IL1RAPL2: variants seen among roughly 807,000 people sequenced by gnomAD.
The protein encoded by IL1RAPL2 is X-linked interleukin-1 receptor accessory protein-like 2.
A neutral mutation model predicts 44.1 loss-of-function variants in IL1RAPL2; 3 were observed. The ratio of observed to expected loss-of-function variants is 0.07; its 90% confidence interval spans 0.03 to 0.18. The LOEUF is 0.18. Ranked by LOEUF, IL1RAPL2 falls within the 10% of genes least tolerant of loss-of-function variation. The probability of loss-of-function intolerance (pLI) is 1.00; values close to 1 mark genes in which losing one functional copy is unlikely to be tolerated. For synonymous variants in IL1RAPL2, 181 were observed against 178.8 expected, an observed-to-expected ratio of 1.01 and a Z score of -0.10; for missense variants, 391 against 496.4, an observed-to-expected ratio of 0.79 and a Z score of 2.02.
rs757191094 is a variant in IL1RAPL2 at position 105,382,835 on chromosome X, T to A, written c.698-101478T>A. 1.0e-4 allele frequency among the ~76,000 whole-genome samples: 11 copies of A among 107,850 alleles called. No individual in the cohort carries two copies. The East Asian group carries it at 2.4e-3, about 23-fold the overall frequency. The allele number at this position is 107,850 out of a possible 115,157, so 93.7% of individuals were successfully genotyped here. A position where few individuals can be genotyped will look rare whatever the true frequency, so the allele number is the denominator to read the frequency against. ...TCCTTTGTAGGGACATGGATGAAGC[T>A]GGAAACCATCATTCTCAGCAAACTA... On this transcript the variant is annotated intron_variant, in intron 5 of 10. Transcript: ENST00000372582.
intron 5 of IL1RAPL2, among the ~76,000 whole-genome samples, chrX:105,420,946 G>GA (rs1185579454): frequency 4.5e-5 from 5 of 111,832 alleles, no homozygotes; most frequent in Admixed American, 9.5e-5. Context: ...ACATCACTGG[G>GA]AATAAGAATA....
intron 2 of IL1RAPL2, among the ~76,000 whole-genome samples, chrX:105,158,258 A>G (rs905640389): frequency 2.7e-5 from 3 of 111,599 alleles, no homozygotes; most frequent in Non-Finnish European, 5.7e-5. Context: ...TCAGGAGGCT[A>G]AGGCAGGAGA....
intron 5 of IL1RAPL2, among the ~76,000 whole-genome samples, chrX:105,425,585 C>T (rs1161873945): frequency 3.7e-5 from 4 of 109,078 alleles, no homozygotes; most frequent in Non-Finnish European, 7.6e-5. Context: ...TAACTTCCCT[C>T]TCATGTTATC....
At chrX:105,578,093 CATT>C (rs1313760789) in intron 6 of IL1RAPL2, among the ~76,000 whole-genome samples, 1 of 100,371 alleles carries the variant, frequency 1.0e-5, no homozygotes, top group Non-Finnish European at 2.0e-5. Flanking sequence ...CATGTGTTCT[CATT>C]GTTCAATTCC....
At chrX:104,984,703 A>G (rs2030527507) in intron 2 of IL1RAPL2, among the ~76,000 whole-genome samples, 1 of 112,318 alleles carries the variant, frequency 8.9e-6, no homozygotes, top group African/African-American at 3.2e-5. Flanking sequence ...ACAGAAGATA[A>G]TTCAACCTAA....
chrX:105,611,644 A>G (rs1466377860), intron 6 of IL1RAPL2, among the ~76,000 whole-genome samples: 1 of 112,104 alleles, frequency 8.9e-6, no homozygotes, highest in East Asian at 2.8e-4. Context: ...AGTAGTCTAT[A>G]CAATCTAGGT....
chrX:104,590,497 G>A (rs1207242688), intron 1 of IL1RAPL2, among the ~76,000 whole-genome samples: 8 of 111,835 alleles, frequency 7.2e-5, no homozygotes, highest in African/African-American at 2.0e-4. Flanking sequence ...AAAGATGATG[G>A]GCACTCTAAA....
intron 1 of IL1RAPL2, among the ~76,000 whole-genome samples, chrX:104,568,051 T>C (rs1460229706): frequency 8.9e-6 from 1 of 111,761 alleles, no homozygotes; most frequent in African/African-American, 3.3e-5. Flanking sequence ...ATTGGAAAAG[T>C]ACTTCTCAGT....
At chrX:105,636,497 T>A (rs2037524238) in intron 6 of IL1RAPL2, among the ~76,000 whole-genome samples, 1 of 111,690 alleles carries the variant, frequency 9.0e-6, no homozygotes, top group Admixed American at 9.5e-5. Context: ...ACAGAAATGT[T>A]GGAAACAGAG....
At chrX:105,369,252 T>A (rs2035319188) in intron 5 of IL1RAPL2, among the ~76,000 whole-genome samples, 1 of 111,150 alleles carries the variant, frequency 9.0e-6, no homozygotes, top group Non-Finnish European at 1.9e-5. Context: ...TTCTGTGAAT[T>A]AGATAAAAAT....
chrX:105,623,183 C>T (rs2037431940), intron 6 of IL1RAPL2, among the ~76,000 whole-genome samples: 1 of 109,580 alleles, frequency 9.1e-6, no homozygotes, highest in African/African-American at 3.3e-5. Flanking sequence ...ATTATTTTCC[C>T]AATTTATACA....
At chrX:104,645,321 A>G (rs889006252) in intron 1 of IL1RAPL2, among the ~76,000 whole-genome samples, 2 of 111,575 alleles carry the variant, frequency 1.8e-5, no homozygotes, top group African/African-American at 6.5e-5. Flanking sequence ...TCTTAGATGT[A>G]CTATAGGCAA....
Position 105,767,756 on chromosome X carries a change from G to GTGTT in IL1RAPL2, c.*98_*101dup, listed in dbSNP as rs1320031622. 7.6e-6 allele frequency: 5 copies of GTGTT among 656,520 alleles called. No homozygotes were observed. The highest frequency in any genetic ancestry group is 9.3e-6 in the Non-Finnish European group (4 of 431,861). The allele number at this position is 656,520 out of a possible 1,213,427, so 54.1% of individuals were successfully genotyped here. A position where few individuals can be genotyped will look rare whatever the true frequency, so the allele number is the denominator to read the frequency against. ...CACCTAATAACGTTGTGTTAAAAAAGTGTTTGAAGAAAAAGGTACAAAAAT... is the reference window on the plus strand; with the variant it reads ...CACCTAATAACGTTGTGTTAAAAAAGTGTTTGTTTGAAGAAAAAGGTACAAAAAT... On this transcript the variant is annotated 3_prime_UTR_variant, in exon 11 of 11. Coordinates refer to ENST00000372582, the MANE Select transcript of IL1RAPL2 (RefSeq NM_017416.2).
At chrX:105,016,876 T>G (rs1260125152) in intron 2 of IL1RAPL2, among the ~76,000 whole-genome samples, 8 of 111,495 alleles carry the variant, frequency 7.2e-5, no homozygotes. Context: ...TTGGAATAGT[T>G]TCAGAAGGAA....
chrX:104,990,117 A>G (rs1257696387), intron 2 of IL1RAPL2, among the ~76,000 whole-genome samples: 1 of 112,078 alleles, frequency 8.9e-6, no homozygotes, highest in Non-Finnish European at 1.9e-5. Flanking sequence ...AATAAGCCCT[A>G]TTAAATCCTA....
At chrX:104,891,059 C>A (rs781015688) in intron 2 of IL1RAPL2, among the ~76,000 whole-genome samples, 2 of 111,870 alleles carry the variant, frequency 1.8e-5, no homozygotes, top group South Asian at 3.8e-4. Flanking sequence ...ATAGGGAATC[C>A]TTTCCCCATT....
At position 105,037,534 on chromosome X, in the gene IL1RAPL2, A is replaced by C. The variant is rs186933369; in HGVS notation, c.83-157941A>C. Among the ~76,000 whole-genome samples, 31 of 110,938 alleles carry C rather than the reference A, an allele frequency of 2.8e-4. No individual in the cohort carries two copies. The Admixed American group carries it at 3.0e-3, about 11-fold the overall frequency. On this transcript the variant is annotated intron_variant, in intron 2 of 10. Coordinates refer to ENST00000372582, the MANE Select transcript of IL1RAPL2 (RefSeq NM_017416.2). ...TGTGCCAGTCAATAGGCCAGGCTTC[A>C]AATTATTACCTTGCTGAAATCTTCA...
At chrX:105,488,846 A>T (rs1279988710) in intron 6 of IL1RAPL2, among the ~76,000 whole-genome samples, 1 of 112,217 alleles carries the variant, frequency 8.9e-6, no homozygotes, top group Non-Finnish European at 1.9e-5. Context: ...AATACTTTTC[A>T]TGCATGGAGT....
intron 2 of IL1RAPL2, among the ~76,000 whole-genome samples, chrX:104,740,657 A>T (rs1249070371): frequency 9.0e-6 from 1 of 110,819 alleles, no homozygotes; most frequent in Non-Finnish European, 1.9e-5. Flanking sequence ...TCCGTTATTT[A>T]TCGGGGAAAC....
Sources: allele counts gnomAD v4.1 joint callset (sites outside exome capture counted in the v4.1 genomes callset), GRCh38; gene constraint gnomAD v4.1.1; transcripts MANE v1.5; gene names NCBI Gene and HGNC (gene_info 2026-07-23, HGNC 2026-07-21).